The following MSRA variants were observed in gnomAD, a reference collection of about 807,000 sequenced individuals.
MSRA encodes the protein mitochondrial peptide methionine sulfoxide reductase.
Under a neutral mutation model 31.3 loss-of-function variants are expected in MSRA, and 54 were observed. That is an observed-to-expected ratio of 1.73 (90% CI 1.39 to 2.17). The LOEUF (loss-of-function observed/expected upper bound fraction) is 2.17, where lower values mean the gene tolerates loss of function less well. Among genes scored for constraint, MSRA ranks in the 30% most tolerant of loss-of-function variants. MSRA has a pLI of 0.00. For missense variants in MSRA, 507 were observed against 300.9 expected, an observed-to-expected ratio of 1.69 and a Z score of -5.07; for synonymous variants, 169 against 116.5, an observed-to-expected ratio of 1.45 and a Z score of -2.90.
chr8:10,414,122 G>A (rs866128509), intron 5 of MSRA, among the ~76,000 whole-genome samples: 64 of 152,044 alleles, frequency 4.2e-4, no homozygotes, highest in Admixed American at 3.9e-4. Flanking sequence ...AGCCGTGATC[G>A]TGCCACTGCA....
intron 2 of MSRA, among the ~76,000 whole-genome samples, chr8:10,214,480 C>G (rs920669926): frequency 3.9e-5 from 6 of 152,232 alleles, no homozygotes; most frequent in African/African-American, 1.4e-4. Context: ...AGGGAAGTGT[C>G]TTGGTGTCTC....
At chr8:10,218,878 C>G (rs1336890337) in intron 2 of MSRA, among the ~76,000 whole-genome samples, 2 of 152,202 alleles carry the variant, frequency 1.3e-5, no homozygotes, top group Admixed American at 6.5e-5. Context: ...GTACAGATTG[C>G]TGCAACAGAT....
At chr8:10,304,011 C>A (rs1452571822) in intron 4 of MSRA, among the ~76,000 whole-genome samples, 2 of 152,236 alleles carry the variant, frequency 1.3e-5, no homozygotes, top group African/African-American at 2.4e-5. Flanking sequence ...TCGCGTCTCA[C>A]TGAACCCTCC....
intron 2 of MSRA, among the ~76,000 whole-genome samples, chr8:10,217,758 TA>T (rs907082696): frequency 7.2e-5 from 11 of 152,330 alleles, no homozygotes; most frequent in African/African-American, 2.6e-4. Context: ...TTTTTACACC[TA>T]AAATAATACT....
chr8:10,285,944 C>T (rs1416332429), intron 3 of MSRA, among the ~76,000 whole-genome samples: 1 of 152,030 alleles, frequency 6.6e-6, no homozygotes, highest in Non-Finnish European at 1.5e-5. Context: ...AGATAAAGTG[C>T]AATTGGCCTA....
chr8:10,234,734 A>T (rs1178776332), intron 2 of MSRA, among the ~76,000 whole-genome samples: 1 of 152,100 alleles, frequency 6.6e-6, no homozygotes, highest in Non-Finnish European at 1.5e-5. Context: ...GTTAAAAAAG[A>T]AGACTGGGAA....
intron 1 of MSRA, among the ~76,000 whole-genome samples, chr8:10,153,255 G>A (rs4498546): frequency 3.9e-5 from 6 of 152,080 alleles, no homozygotes; most frequent in African/African-American, 1.4e-4. Flanking sequence ...CCGTTGTCTG[G>A]GGGGAGCATG....
chr8:10,395,170 A>C (rs550902498), intron 5 of MSRA, among the ~76,000 whole-genome samples: 2 of 152,268 alleles, frequency 1.3e-5, no homozygotes, highest in African/African-American at 4.8e-5. Context: ...CGGGGGGAAG[A>C]CTTTGCAGAG....
chr8:10,417,602 T>C (rs1808544355), intron 5 of MSRA, among the ~76,000 whole-genome samples: 1 of 152,126 alleles, frequency 6.6e-6, no homozygotes, highest in Admixed American at 6.5e-5. Flanking sequence ...GAATAGATGA[T>C]GTTTTCTTAC....
intron 1 of MSRA, among the ~76,000 whole-genome samples, chr8:10,177,619 A>G (rs997957285): frequency 1.3e-5 from 2 of 152,230 alleles, no homozygotes; most frequent in South Asian, 4.1e-4. Context: ...GGTATTTGCT[A>G]CATGTTTTGG....
chr8:10,188,778 A>C (rs1357825159), intron 1 of MSRA, among the ~76,000 whole-genome samples: 2 of 152,224 alleles, frequency 1.3e-5, no homozygotes, highest in Non-Finnish European at 2.9e-5. Flanking sequence ...TGATTACTGT[A>C]ACCTTACAGT....
chr8:10,240,406 TA>T (rs1394716304), intron 2 of MSRA, among the ~76,000 whole-genome samples: 1 of 152,184 alleles, frequency 6.6e-6, no homozygotes. Context: ...ATTACGCAGG[TA>T]CTAGGGTAGC....
intron 3 of MSRA, among the ~76,000 whole-genome samples, chr8:10,297,080 C>T (rs150784120): frequency 5.1e-4 from 78 of 152,262 alleles, no homozygotes; most frequent in African/African-American, 1.8e-3. Flanking sequence ...GTTGACTTAT[C>T]TCGGGGTTCT....
At chr8:10,096,944 T>A (rs1393845824) in intron 1 of MSRA, among the ~76,000 whole-genome samples, 1 of 152,186 alleles carries the variant, frequency 6.6e-6, no homozygotes, top group Non-Finnish European at 1.5e-5. Flanking sequence ...TACAGGAAAA[T>A]TGTATCTATT....
chr8:10,341,955 A>G (rs538410610), intron 5 of MSRA, among the ~76,000 whole-genome samples: 1 of 152,288 alleles, frequency 6.6e-6, no homozygotes, highest in East Asian at 1.9e-4. Flanking sequence ...CTGTGACATA[A>G]GCTGTGCCTC....
intron 5 of MSRA, among the ~76,000 whole-genome samples, chr8:10,390,989 A>AAC (rs1554548751): frequency 1.3e-5 from 2 of 151,496 alleles, no homozygotes; most frequent in African/African-American, 2.4e-5. Context: ...GAAAAAAAAA[A>AAC]AAAACAGCAC....
At chr8:10,256,878 T>C (rs546230118) in intron 3 of MSRA, among the ~76,000 whole-genome samples, 1 of 152,296 alleles carries the variant, frequency 6.6e-6, no homozygotes, top group African/African-American at 2.4e-5. Flanking sequence ...TCTCCTGCCC[T>C]CCTTCTCCTG....
chr8:10,155,623 A>G (rs1804094001), intron 1 of MSRA, among the ~76,000 whole-genome samples: 1 of 152,242 alleles, frequency 6.6e-6, no homozygotes, highest in East Asian at 1.9e-4. Flanking sequence ...TTATTGCACC[A>G]AAAGCAAGGA....
chr8:10,336,978 C>G (rs1803088552), intron 5 of MSRA: 1 of 152,204 alleles, frequency 6.6e-6, no homozygotes, highest in African/African-American at 2.4e-5. Flanking sequence ...GGCCACAAGG[C>G]TGCCATTCAC....
Sources: gnomAD v4.1 joint callset for allele counts (sites outside exome capture counted in the v4.1 genomes callset) on GRCh38, gnomAD v4.1.1 for gene constraint, MANE v1.5 for transcripts, NCBI Gene and HGNC (gene_info 2026-07-23, HGNC 2026-07-21) for gene names.